LGALSL: variants seen among roughly 807,000 people sequenced by gnomAD.
The protein encoded by LGALSL is galectin-related protein.
A neutral mutation model predicts 19.5 loss-of-function variants in LGALSL; 13 were observed. The observed-to-expected ratio is 0.67, with a 90% CI of 0.43 to 1.06. The LOEUF is 1.06. LGALSL is among the 50% of genes least tolerant of loss of function. The probability of loss-of-function intolerance (pLI) is 0.00; values close to 1 mark genes in which losing one functional copy is unlikely to be tolerated. For synonymous variants in LGALSL, 86 were observed against 78.3 expected (o/e 1.10, Z -0.52); for missense variants, 189 against 219.3 (o/e 0.86, Z 0.87).
chr2:64,458,076 G>A (rs542733984), intron 4 of LGALSL, among the ~76,000 whole-genome samples: 4 of 152,248 alleles, frequency 2.6e-5, no homozygotes, highest in African/African-American at 7.2e-5. Context: ...TGAGGAAAAA[G>A]CTTTTACACT....
chr2:64,460,593 G>C lies in LGALSL; in HGVS notation c.*2165G>C, dbSNP rs999330914. The C allele has an allele frequency of 4.6e-5, 7 of 152,202 alleles. No homozygotes were observed. Among genetic ancestry groups the C allele is most frequent in the African/African-American group, 7.2e-5 (3 of 41,446 alleles). 9.4% of individuals were successfully genotyped at this position (152,202 alleles called of 1,614,324 possible). A position where few individuals can be genotyped will look rare whatever the true frequency, so the allele number is the denominator to read the frequency against. ...CAGCCAAGCCCTTAGGCAGCTTAGT[G>C]TGAAAATACAATGTTAACTGTTTGT... On this transcript the variant is annotated 3_prime_UTR_variant, in exon 5 of 5. Coordinates refer to ENST00000238875, the MANE Select transcript of LGALSL (RefSeq NM_014181.3).
At position 64,458,921 on chromosome 2, in the gene LGALSL, T is replaced by A. The variant is rs1337031388; in HGVS notation, c.*493T>A. ...GTTTTTGTTTTTGTTTTGCACAGCA[T>A]AATGTTAATTCAGATTGTTGAAGCT... On this transcript the variant is annotated 3_prime_UTR_variant, in exon 5 of 5. Coordinates refer to ENST00000238875, the MANE Select transcript of LGALSL (RefSeq NM_014181.3). The A allele has an allele frequency of 1.3e-5, 2 of 152,542 alleles. No homozygotes were observed. The highest frequency in any genetic ancestry group is 4.8e-5 in the African/African-American group (2 of 41,478). The allele number at this position is 152,542 out of a possible 1,614,324, so 9.4% of individuals were successfully genotyped here.
chr2:64,456,964 TCA>T (rs1170401843), intron 4 of LGALSL, among the ~76,000 whole-genome samples: 1 of 152,216 alleles, frequency 6.6e-6, no homozygotes, highest in Non-Finnish European at 1.5e-5. Flanking sequence ...TTAATTAGCC[TCA>T]GTCTATTTCA....
chr2:64,456,185 A>T, intron 3 of LGALSL, 103 bp from the exon 4 acceptor site: 1 of 1,051,254 alleles, frequency 9.5e-7, no homozygotes, highest in Non-Finnish European at 1.4e-6. Context: ...TGGCCTCTTA[A>T]AAATGGACAA....
rs770053691 is a variant in LGALSL, at chr2:64,458,599, C to T, written c.*171C>T. 44 of 571,858 alleles carry T rather than the reference C, an allele frequency of 7.7e-5. No individual in the cohort carries two copies. The highest frequency in any genetic ancestry group is 1.1e-4 in the Non-Finnish European group (35 of 332,876). The allele number at this position is 571,858 out of a possible 1,614,324, so 35.4% of individuals were successfully genotyped here. On this transcript the variant is annotated 3_prime_UTR_variant, in exon 5 of 5. Transcript: ENST00000238875. ...AAGAAAGCTGTTGGGACAAAGACAC[C>T]GAGCCATTATACCCAGAATAAAATA...
chr2:64,455,244 T>G, intron 1 of LGALSL, 100 bp from the exon 2 acceptor site: 1 of 802,646 alleles, frequency 1.2e-6, no homozygotes, highest in Admixed American at 1.7e-5. Flanking sequence ...ACTGTGTGCA[T>G]GTGGAAGGCT....
chr2:64,455,377 A>C lies in LGALSL; in HGVS notation c.70A>C (p.Ser24Arg). 1 of 1,613,878 alleles carries C rather than the reference A, an allele frequency of 6.2e-7. No individual in the cohort carries two copies. The highest frequency in any genetic ancestry group is 8.5e-7 in the Non-Finnish European group (1 of 1,179,782). ...LDDGHLNNSL[S>R]SPVQADVYFP... The stretch of plus-strand genomic sequence containing the variant: ...TGATGGCCATTTAAACAACTCTTTG[A>C]GCTCTCCAGTTCAAGCGGACGTGTA... The change falls in exon 2 of 5, where the codon AGC becomes CGC. Residue 24 changes from serine to arginine, a missense_variant. This residue lies in a region of LGALSL where 62 missense variants were observed against 49.0 expected (regional missense o/e 1.27). Coordinates refer to ENST00000238875, the MANE Select transcript of LGALSL (RefSeq NM_014181.3).
At chr2:64,458,139 T>G in intron 4 of LGALSL, 146 bp from the exon 5 acceptor site, 1 of 710,236 alleles carries the variant, frequency 1.4e-6, no homozygotes, top group South Asian at 1.9e-5. Context: ...ACAATCTGTG[T>G]TCTAACAAGC....
intron 4 of LGALSL, among the ~76,000 whole-genome samples, chr2:64,458,069 G>C (rs1686763315): frequency 6.6e-6 from 1 of 152,092 alleles, no homozygotes. Context: ...AATTACTTGA[G>C]GAAAAAGCTT....
In LGALSL at chr2:64,460,891, A is replaced by G. The variant is rs2103713005; in HGVS notation, c.*2463A>G. 6.6e-6 allele frequency: 1 copy of G among 152,374 alleles called. No homozygotes were observed. Among genetic ancestry groups the G allele is most frequent in the South Asian group, 2.1e-4 (1 of 4,834 alleles). The allele number at this position is 152,374 out of a possible 1,614,324, so 9.4% of individuals were successfully genotyped here. On this transcript the variant is annotated 3_prime_UTR_variant, in exon 5 of 5. Coordinates refer to ENST00000238875, the MANE Select transcript of LGALSL (RefSeq NM_014181.3). Reference sequence around the variant, plus strand: ...TCTGCAATAACCAAAACCAAGGAGTATAAATAACAATCAGGCTCTGGGGGA... The same window carrying G: ...TCTGCAATAACCAAAACCAAGGAGTGTAAATAACAATCAGGCTCTGGGGGA...
At chr2:64,457,374 TGTGTG>T (rs1317609094) in intron 4 of LGALSL, among the ~76,000 whole-genome samples, 4 of 151,096 alleles carry the variant, frequency 2.6e-5, no homozygotes, top group Non-Finnish European at 5.9e-5. Flanking sequence ...CAGTGAGCTA[TGTGTG>T]CATCACTGCA....
rs1271979174 is a variant in LGALSL, at chr2:64,459,789, T to C, written c.*1361T>C. On this transcript the variant is annotated 3_prime_UTR_variant, in exon 5 of 5. Coordinates refer to ENST00000238875, the MANE Select transcript of LGALSL (RefSeq NM_014181.3). ...AGGTGACTCCAACAGGAGGTTGCAG[T>C]ACTGTAAACGTCACCGCAAGGCAAG... 1.3e-5 allele frequency: 2 copies of C among 152,204 alleles called. No individual in the cohort carries two copies. Among genetic ancestry groups the C allele is most frequent in the Admixed American group, 6.5e-5 (1 of 15,278 alleles). The allele number at this position is 152,204 out of a possible 1,614,324, so 9.4% of individuals were successfully genotyped here.
rs753354177 is a variant in LGALSL, at chr2:64,455,564, A to G, written c.109-25A>G. ...TTTTCCCTAACAGGCTGTAAAATTC[A>G]TTTTTCTTCTCCCACCCTTTTCAGA... On this transcript the variant is annotated intron_variant, in intron 2 of 4. Coordinates refer to ENST00000238875, the MANE Select transcript of LGALSL (RefSeq NM_014181.3). 3 of 1,604,928 alleles carry G rather than the reference A, an allele frequency of 1.9e-6. No homozygotes were observed. The Admixed American group carries it at 5.0e-5, about 27-fold the overall frequency.
chr2:64,455,472 T>C, intron 2 of LGALSL, 57 bp downstream of exon 2: 1 of 1,532,412 alleles, frequency 6.5e-7, no homozygotes, highest in Non-Finnish European at 9.0e-7. Context: ...CATTGCTTTT[T>C]AAAATTTTAT....
In LGALSL at chr2:64,456,511, A is replaced by G. The variant is rs755600573; in HGVS notation, c.375+46A>G. 1.4e-5 allele frequency: 20 copies of G among 1,446,802 alleles called. No individual in the cohort carries two copies. The South Asian group carries it at 2.9e-4, about 21-fold the overall frequency. 89.6% of individuals were successfully genotyped at this position (1,446,802 alleles called of 1,614,324 possible). On this transcript the variant is annotated intron_variant, in intron 4 of 4. Transcript: ENST00000238875. The stretch of plus-strand genomic sequence containing the variant: ...GGCTCCAGCCACTGGCAGGCTGATA[A>G]TGTTCGACTTACCTAGTGTGTGCCA...
At chr2:64,456,018 C>A (rs1205580144) in intron 3 of LGALSL, among the ~76,000 whole-genome samples, 1 of 151,752 alleles carries the variant, frequency 6.6e-6, no homozygotes, top group Non-Finnish European at 1.5e-5. Flanking sequence ...CATTATTTCC[C>A]CTGGTCAATT....
rs1274678406 is a variant in LGALSL, at chr2:64,459,516, C to G, written c.*1088C>G. 6.6e-6 allele frequency: 1 copy of G among 152,176 alleles called. No individual in the cohort carries two copies. Among genetic ancestry groups the G allele is most frequent in the African/African-American group, 2.4e-5 (1 of 41,420 alleles). The allele number at this position is 152,176 out of a possible 1,614,324, so 9.4% of individuals were successfully genotyped here. On this transcript the variant is annotated 3_prime_UTR_variant, in exon 5 of 5. Coordinates refer to ENST00000238875, the MANE Select transcript of LGALSL (RefSeq NM_014181.3). ...CTTAAGCTGTTAGCTCATTGTATAA[C>G]TTTTCTTATGTGACCCTCACCAATA...
chr2:64,456,417 A>G lies in LGALSL; in HGVS notation c.327A>G (p.Glu109=). Reference sequence around the variant, plus strand: ...GTATATCTGGGGAGAGGGGTGAAGAACAGTCAGCAATCCCTTACTTTCCAT... The same window carrying G: ...GTATATCTGGGGAGAGGGGTGAAGAGCAGTCAGCAATCCCTTACTTTCCAT... ...NSCISGERGE[E]QSAIPYFPFI... Residue 109 remains glutamate, a synonymous_variant, in exon 4 of 5, where the codon GAA becomes GAG. Transcript: ENST00000238875. 6.2e-7 allele frequency: 1 copy of G among 1,608,576 alleles called. No individual in the cohort carries two copies. Among genetic ancestry groups the G allele is most frequent in the Non-Finnish European group, 8.5e-7 (1 of 1,177,228 alleles).
chr2:64,454,310 C>A lies in LGALSL; in HGVS notation c.-236C>A. 2.5e-6 allele frequency: 1 copy of A among 394,426 alleles called. No individual in the cohort carries two copies. The highest frequency in any genetic ancestry group is 4.5e-6 in the Non-Finnish European group (1 of 223,418). The allele number at this position is 394,426 out of a possible 1,614,324, so 24.4% of individuals were successfully genotyped here. On this transcript the variant is annotated 5_prime_UTR_variant, in exon 1 of 5. Coordinates refer to ENST00000238875, the MANE Select transcript of LGALSL (RefSeq NM_014181.3). The surrounding 1 kb of genome is among the most constrained non-coding windows in gnomAD (Gnocchi z 5.1). ...GGCCCGGGTCCGGGGCCGTTCTGGG[C>A]CGCGGCAAGCACCTTCGCCCTCCCA...
Sources: gnomAD v4.1 joint callset for allele counts (sites outside exome capture counted in the v4.1 genomes callset) on GRCh38, gnomAD v4.1.1 for gene constraint, gnomAD v4.1.1 regional missense constraint, Gnocchi (gnomAD v3.1) non-coding constraint, MANE v1.5 for transcripts, NCBI Gene and HGNC (gene_info 2026-07-23, HGNC 2026-07-21) for gene names.